DMAC2: variants seen among roughly 807,000 people sequenced by gnomAD.
The protein encoded by DMAC2 is distal membrane-arm assembly complex protein 2.
Under a neutral mutation model 29.6 loss-of-function variants are expected in DMAC2, and 32 were observed. That is an observed-to-expected ratio of 1.08 (90% CI 0.81 to 1.45). The LOEUF is 1.45. Ranked by LOEUF, DMAC2 falls within the 40% of genes most tolerant of loss-of-function variation. The pLI is 0.00. For synonymous variants in DMAC2, 133 were observed against 137.4 expected (o/e 0.97, Z 0.23); for missense variants, 319 against 340.0 (o/e 0.94, Z 0.49).
chr19:41,433,095 T>G lies in DMAC2; in HGVS notation c.596+177A>C, dbSNP rs1555769914. 4.3e-6 allele frequency: 3 copies of G among 694,706 alleles called. No homozygotes were observed. In the East Asian group the frequency reaches 8.9e-5, roughly 21 times the overall value. 43.0% of individuals were successfully genotyped at this position (694,706 alleles called of 1,614,324 possible). ...AAAAAGGAAGAAAACCAGGAGTCAT[T>G]TAATTCTTCCAGAGACTCACTGTGA... is the stretch of plus-strand genomic sequence containing the variant. On this transcript the variant is annotated intron_variant, in intron 5 of 5. Transcript: ENST00000221943.
At chr19:41,432,873 T>C (rs543126940) in intron 5 of DMAC2, 129 of 502,820 alleles carry the variant, frequency 2.6e-4, no homozygotes, top group African/African-American at 2.0e-3. Context: ...TGCGTGCGTG[T>C]GTGTGTGTGC....
chr19:41,436,741 C>G (rs139547952), intron 2 of DMAC2, among the ~76,000 whole-genome samples: 29 of 152,312 alleles, frequency 1.9e-4, no homozygotes, highest in Middle Eastern at 3.4e-3. Context: ...CAGGAAATAA[C>G]AGCAAACTGC....
intron 3 of DMAC2, among the ~76,000 whole-genome samples, chr19:41,434,243 A>C (rs1555770529): frequency 6.6e-6 from 1 of 151,368 alleles, no homozygotes; most frequent in Non-Finnish European, 1.5e-5. Context: ...TCAAAAAAAA[A>C]ACAAAAAAAC....
chr19:41,432,677 TATAGGGAGATAAGCCAGTATAAGGACAGC>T (rs2039601718), intron 5 of DMAC2: 791 of 387,148 alleles, frequency 2.0e-3, no homozygotes, highest in Admixed American at 5.3e-3. Flanking sequence ...TGTGTGTGTG[TATAGGGAGATAAGCCAGTATAAGGACAGC>T]GTGTGTGTGT....
chr19:41,432,456 G>A (rs1555769336), intron 5 of DMAC2, 48 bp from the exon 6 acceptor site: 1 of 1,584,266 alleles, frequency 6.3e-7, no homozygotes, highest in Non-Finnish European at 8.6e-7. Context: ...GACAGCATGT[G>A]TGTGTGTGTA....
At chr19:41,433,127 A>G (rs1205892877) in intron 5 of DMAC2, 145 bp downstream of exon 5, 8 of 892,872 alleles carry the variant, frequency 9.0e-6, no homozygotes, top group African/African-American at 5.1e-5. Context: ...GTGACTGCTC[A>G]TCTACCATAA....
At chr19:41,435,777 T>G (rs2039825934) in intron 3 of DMAC2, among the ~76,000 whole-genome samples, 1 of 152,008 alleles carries the variant, frequency 6.6e-6, no homozygotes, top group Non-Finnish European at 1.5e-5. Flanking sequence ...CTGAGGCTGT[T>G]CTCAAACTCC....
rs782147616 is a variant in DMAC2 at position 41,433,570 on chromosome 19, A to G, written c.400T>C (p.Cys134Arg). The change falls in exon 4 of 6, where the codon TGT becomes CGT. Residue 134 changes from cysteine to arginine, a missense_variant. Coordinates refer to ENST00000221943, the MANE Select transcript of DMAC2 (RefSeq NM_018035.3). Reference protein sequence around the residue: ...VPVEAVDAGDCDINYEGLDNL... With the variant: ...VPVEAVDAGDRDINYEGLDNL... ...TCCAGGCCCTCGTAGTTGATGTCAC[A>G]GTCACCGGCATCCACAGCTTCGACA... 3.7e-6 allele frequency: 6 copies of G among 1,614,172 alleles called. No individual in the cohort carries two copies. The South Asian group carries it at 5.5e-5, about 15-fold the overall frequency.
intron 5 of DMAC2, 30 bp downstream of exon 5, chr19:41,433,242 C>T (rs1555769941): frequency 6.3e-7 from 1 of 1,582,808 alleles, no homozygotes; most frequent in Middle Eastern, 2.2e-4. Context: ...GGTGCCTGGG[C>T]ATGTGGCCCA....
chr19:41,434,352 G>A (rs973330666), intron 3 of DMAC2, among the ~76,000 whole-genome samples: 21 of 143,374 alleles, frequency 1.5e-4, no homozygotes, highest in Middle Eastern at 3.8e-3. Context: ...AGGCTGTAGT[G>A]AGTTGTGATC....
chr19:41,439,517 C>CA (rs1555772365), intron 1 of DMAC2: 1 of 1,537,154 alleles, frequency 6.5e-7, no homozygotes. Flanking sequence ...CATCCTCGAA[C>CA]AATCCCTTCC....
In DMAC2 at chr19:41,439,129, C is replaced by T. The variant is rs57719241; in HGVS notation, c.19-715G>A. On this transcript the variant is annotated intron_variant, in intron 1 of 5. Coordinates refer to ENST00000221943, the MANE Select transcript of DMAC2 (RefSeq NM_018035.3). ...AGAGTAAGAAAGTCGAGGGGTGTGG[C>T]CAATGGGAAGAAGCCCCCAAACTCT... 5.2e-3 allele frequency: 1,260 copies of T among 243,344 alleles called. 21 individuals are homozygous for T. The highest frequency in any genetic ancestry group is 0.028 in the African/African-American group (1,193 of 43,058). The allele number at this position is 243,344 out of a possible 1,614,324, so 15.1% of individuals were successfully genotyped here.
chr19:41,436,271 C>T, intron 3 of DMAC2, 121 bp downstream of exon 3: 1 of 808,736 alleles, frequency 1.2e-6, no homozygotes, highest in Non-Finnish European at 2.0e-6. Context: ...AGTCCCAAGC[C>T]ACACAGCCAG....
At chr19:41,439,678 G>C (rs2040053122) in intron 1 of DMAC2, 1 of 1,321,358 alleles carries the variant, frequency 7.6e-7, no homozygotes, top group Non-Finnish European at 1.0e-6. Flanking sequence ...CCTCTCGCTC[G>C]CTAAAGCGTC....
Position 41,433,571 on chromosome 19 carries a change from G to C in DMAC2, c.399C>G (p.Asp133Glu), listed in dbSNP as rs1555770233. ...EVPVEAVDAG[D>E]CDINYEGLDN... Reference sequence around the variant, plus strand: ...CCAGGCCCTCGTAGTTGATGTCACAGTCACCGGCATCCACAGCTTCGACAG... The same window carrying C: ...CCAGGCCCTCGTAGTTGATGTCACACTCACCGGCATCCACAGCTTCGACAG... The change falls in exon 4 of 6, where the codon GAC becomes GAG. Residue 133 changes from aspartate (D) to glutamate (E), a missense_variant. Transcript: ENST00000221943. The C allele has an allele frequency of 6.2e-7, 1 of 1,614,210 alleles. No homozygotes were observed. Among genetic ancestry groups the C allele is most frequent in the East Asian group, 2.2e-5 (1 of 44,884 alleles).
chr19:41,431,538 C>T lies in DMAC2; in HGVS notation c.*693G>A. Reference sequence around the variant, plus strand: ...AAGGGCAGCTGCTGACCGCCTGGTGCTTCAGGAGCTGGGTGCTGGGGAAGC... The same window carrying T: ...AAGGGCAGCTGCTGACCGCCTGGTGTTTCAGGAGCTGGGTGCTGGGGAAGC... On this transcript the variant is annotated 3_prime_UTR_variant, in exon 6 of 6. Coordinates refer to ENST00000221943, the MANE Select transcript of DMAC2 (RefSeq NM_018035.3). The T allele has an allele frequency of 2.9e-6, 1 of 349,238 alleles. No individual in the cohort carries two copies. The highest frequency in any genetic ancestry group is 5.6e-6 in the Non-Finnish European group (1 of 177,566). 21.6% of individuals were successfully genotyped at this position (349,238 alleles called of 1,614,324 possible). A position where few individuals can be genotyped will look rare whatever the true frequency, so the allele number is the denominator to read the frequency against.
rs1250009796 is a variant in DMAC2, at chr19:41,431,796, T to C, written c.*435A>G. 1 of 236,178 alleles carries C rather than the reference T, an allele frequency of 4.2e-6. No homozygotes were observed. The highest frequency in any genetic ancestry group is 8.4e-6 in the Non-Finnish European group (1 of 118,840). 14.6% of individuals were successfully genotyped at this position (236,178 alleles called of 1,614,324 possible). ...TTAGTGAGTGGAGTGGGGCGAAGGATGCTGCATGTCCTGCAGTGGGCACAG... is the reference window on the plus strand; with the variant it reads ...TTAGTGAGTGGAGTGGGGCGAAGGACGCTGCATGTCCTGCAGTGGGCACAG... On this transcript the variant is annotated 3_prime_UTR_variant, in exon 6 of 6. Transcript: ENST00000221943.
intron 2 of DMAC2, among the ~76,000 whole-genome samples, chr19:41,437,680 C>A (rs1367491913): frequency 6.9e-6 from 1 of 144,586 alleles, no homozygotes; most frequent in Non-Finnish European, 1.5e-5. Context: ...GGCTGGGAGA[C>A]AGAGCAAGAC....
Position 41,432,706 on chromosome 19 carries a change from C to CGTGTGTGTGTGT in DMAC2, c.597-310_597-299dup, listed in dbSNP as rs72065187. ...GGGAGATAAGCCAGTATAAGGACAG[C>CGTGTGTGTGTGT]GTGTGTGTGTGTGTGTGTGTGTGTA... is the stretch of plus-strand genomic sequence containing the variant. On this transcript the variant is annotated intron_variant, in intron 5 of 5. Transcript: ENST00000221943. 1.1e-3 allele frequency: 221 copies of CGTGTGTGTGTGT among 209,076 alleles called. 6 individuals are homozygous for CGTGTGTGTGTGT. The highest frequency in any genetic ancestry group is 0.01 in the African/African-American group (204 of 20,026). 13.0% of individuals were successfully genotyped at this position (209,076 alleles called of 1,614,324 possible). A position where few individuals can be genotyped will look rare whatever the true frequency, so the allele number is the denominator to read the frequency against.
Sources: gnomAD v4.1 joint callset for allele counts (sites outside exome capture counted in the v4.1 genomes callset) on GRCh38, gnomAD v4.1.1 for gene constraint, MANE v1.5 for transcripts, NCBI Gene and HGNC (gene_info 2026-07-23, HGNC 2026-07-21) for gene names.